The following SGCZ variants were observed in gnomAD, a reference collection of about 807,000 sequenced individuals.
The protein encoded by SGCZ is sarcoglycan zeta, also known as zeta-sarcoglycan.
A neutral mutation model predicts 41.3 loss-of-function variants in SGCZ; 40 were observed. The ratio of observed to expected loss-of-function variants is 0.97; its 90% CI spans 0.75 to 1.26. The LOEUF is 1.26. Among genes scored for constraint, SGCZ ranks in the 50% most tolerant of loss-of-function variants. The pLI is 0.00. For missense variants in SGCZ, 552 were observed against 369.8 expected (o/e 1.49, Z -4.04); for synonymous variants, 206 against 137.5 (o/e 1.50, Z -3.49).
intron 1 of SGCZ, among the ~76,000 whole-genome samples, chr8:14,885,334 G>C (rs774177215): frequency 1.3e-5 from 2 of 152,180 alleles, no homozygotes; most frequent in Non-Finnish European, 2.9e-5. Context: ...TCTGGTTAGA[G>C]TAGTATATTA....
At chr8:14,346,667 A>G (rs575619172) in intron 2 of SGCZ, among the ~76,000 whole-genome samples, 20 of 152,100 alleles carry the variant, frequency 1.3e-4, no homozygotes, top group Non-Finnish European at 2.5e-4. Context: ...ACAAAATAAA[A>G]CTGAAGCTGT....
intron 1 of SGCZ, among the ~76,000 whole-genome samples, chr8:14,647,280 T>G (rs1807253482): frequency 1.3e-5 from 2 of 152,002 alleles, no homozygotes; most frequent in African/African-American, 2.4e-5. Flanking sequence ...GCATAACTAT[T>G]CACTAGCATT....
intron 3 of SGCZ, among the ~76,000 whole-genome samples, chr8:14,315,289 T>A (rs13263675): frequency 0.3 from 45,219 of 152,122 alleles, 8,327 homozygotes; most frequent in Non-Finnish European, 0.42. Flanking sequence ...TTACGTTATA[T>A]AGAAATCATT....
chr8:14,550,095 A>T (rs1803755267), intron 2 of SGCZ, among the ~76,000 whole-genome samples: 1 of 152,042 alleles, frequency 6.6e-6, no homozygotes, highest in African/African-American at 2.4e-5. Flanking sequence ...CCGACATACA[A>T]GAAAATTCGT....
chr8:14,834,624 C>T (rs1208256567), intron 1 of SGCZ, among the ~76,000 whole-genome samples: 1 of 152,132 alleles, frequency 6.6e-6, no homozygotes, highest in Non-Finnish European at 1.5e-5. Context: ...TATTGGATGG[C>T]CTTTTTATGA....
chr8:15,163,497 T>C lies in SGCZ; in HGVS notation c.39+74088A>G, dbSNP rs140394968. ...TCCCTTCACTCCCTGTTTTGTTTTG[T>C]TATTGACTGTGTGGTTTCTTTTTTC... On this transcript the variant is annotated intron_variant, in intron 1 of 7. Coordinates refer to ENST00000382080, the MANE Select transcript of SGCZ (RefSeq NM_139167.4). Among the ~76,000 whole-genome samples the C allele has an allele frequency of 2.2e-4, 33 of 152,338 alleles. No homozygotes were observed. The East Asian group carries it at 5.4e-3, about 25-fold the overall frequency.
chr8:15,237,283 C>A (rs907513646), intron 1 of SGCZ, among the ~76,000 whole-genome samples: 1 of 152,044 alleles, frequency 6.6e-6, no homozygotes, highest in East Asian at 1.9e-4. Flanking sequence ...CGGCAAGAGG[C>A]GCAGGGTCTG....
chr8:14,197,523 G>T (rs990065038), intron 4 of SGCZ, among the ~76,000 whole-genome samples: 1 of 151,744 alleles, frequency 6.6e-6, no homozygotes, highest in African/African-American at 2.4e-5. Flanking sequence ...TACCAATATA[G>T]TTCATTAAAT....
intron 4 of SGCZ, among the ~76,000 whole-genome samples, chr8:14,222,617 ATTTT>A (rs558893921): frequency 2.2e-4 from 33 of 151,844 alleles, no homozygotes; most frequent in African/African-American, 7.0e-4. Context: ...CTTCTAACAG[ATTTT>A]TTTTCCCATT....
intron 1 of SGCZ, among the ~76,000 whole-genome samples, chr8:15,028,778 T>C (rs906002168): frequency 2.0e-5 from 3 of 152,082 alleles, no homozygotes; most frequent in Non-Finnish European, 2.9e-5. Flanking sequence ...GATCTTCCTA[T>C]CTAACTCAAA....
intron 1 of SGCZ, among the ~76,000 whole-genome samples, chr8:15,214,122 TG>T (rs1320327403): frequency 6.6e-6 from 1 of 152,016 alleles, no homozygotes; most frequent in Non-Finnish European, 1.5e-5. Context: ...ATCAGCCATG[TG>T]AAAAAAAACA....
chr8:14,402,990 G>A (rs1441607265), intron 2 of SGCZ, among the ~76,000 whole-genome samples: 1 of 149,574 alleles, frequency 6.7e-6, no homozygotes, highest in Non-Finnish European at 1.5e-5. Flanking sequence ...AGTTCTCCTT[G>A]AAGAGGTCCT....
chr8:14,298,512 T>C (rs115548936), intron 3 of SGCZ, among the ~76,000 whole-genome samples: 1,852 of 152,114 alleles, frequency 0.012, 42 homozygotes, highest in African/African-American at 0.041. Flanking sequence ...ACCATCAGTA[T>C]GCCAAAGTCA....
chr8:14,660,025 G>C (rs775090168), intron 1 of SGCZ, among the ~76,000 whole-genome samples: 2 of 152,164 alleles, frequency 1.3e-5, no homozygotes, highest in African/African-American at 4.8e-5. Flanking sequence ...CAGGAGCTAA[G>C]AGAGAAGTTT....
intron 1 of SGCZ, among the ~76,000 whole-genome samples, chr8:14,724,635 C>T (rs13249498): frequency 0.16 from 23,838 of 151,116 alleles, 2,268 homozygotes; most frequent in Admixed American, 0.26. Flanking sequence ...TAAAATAAGA[C>T]CAAGCGTTTC....
chr8:14,247,062 G>A lies in SGCZ; in HGVS notation c.337-9383C>T, dbSNP rs188007226. Reference sequence around the variant, plus strand: ...CTAGAGCTGTTTACCTGACTTCCTTGAATTCTGCACTCACATTTTAACTTG... The same window carrying A: ...CTAGAGCTGTTTACCTGACTTCCTTAAATTCTGCACTCACATTTTAACTTG... On this transcript the variant is annotated intron_variant, in intron 3 of 7. Coordinates refer to ENST00000382080, the MANE Select transcript of SGCZ (RefSeq NM_139167.4). Among the ~76,000 whole-genome samples the A allele has an allele frequency of 6.0e-4, 91 of 152,106 alleles. 5 individuals carry two copies. In the East Asian group the frequency reaches 0.016, roughly 27 times the overall value.
intron 1 of SGCZ, among the ~76,000 whole-genome samples, chr8:14,768,387 A>C (rs1000955388): frequency 6.6e-6 from 1 of 152,226 alleles, no homozygotes; most frequent in African/African-American, 2.4e-5. Flanking sequence ...TAATGAACTG[A>C]AACAGTTTTT....
intron 1 of SGCZ, among the ~76,000 whole-genome samples, chr8:14,656,153 G>A (rs1040607252): frequency 3.3e-5 from 5 of 152,032 alleles, no homozygotes; most frequent in African/African-American, 1.2e-4. Context: ...GTATCAAACT[G>A]TTTATCCAAA....
chr8:14,865,440 C>CAGGAAG, intron 1 of SGCZ, among the ~76,000 whole-genome samples: 1 of 151,682 alleles, frequency 6.6e-6, no homozygotes, highest in East Asian at 1.9e-4. Flanking sequence ...GCTCTGCCCT[C>CAGGAAG]AGGAACACAA....
Sources: gnomAD v4.1 joint callset for allele counts (sites outside exome capture counted in the v4.1 genomes callset) on GRCh38, gnomAD v4.1.1 for gene constraint, MANE v1.5 for transcripts, NCBI Gene and HGNC (gene_info 2026-07-23, HGNC 2026-07-21) for gene names.